MYO18A: variants seen among roughly 807,000 people sequenced by gnomAD.
MYO18A encodes the protein myosin XVIIIA.
MYO18A carries 78 observed loss-of-function variants against 235.8 expected under a neutral mutation model. The observed-to-expected ratio is 0.33, with a 90% CI of 0.28 to 0.40. The LOEUF is 0.40. MYO18A is among the 10% of genes least tolerant of loss of function. The pLI, the probability that MYO18A is intolerant of heterozygous loss-of-function variation, is 1.00. For missense variants in MYO18A, 2,215 were observed against 2,699.3 expected (o/e 0.82, Z 3.98); for synonymous variants, 977 against 1,077.8 (o/e 0.91, Z 1.83).
At chr17:29,123,680 C>T (rs926573178) in intron 2 of MYO18A, among the ~76,000 whole-genome samples, 8 of 152,208 alleles carry the variant, frequency 5.3e-5, no homozygotes, top group African/African-American at 9.6e-5. Flanking sequence ...AGGATCACCA[C>T]GTGGCTGGCC....
chr17:29,120,795 CA>C lies in MYO18A; in HGVS notation c.1586-38del. On this transcript the variant is annotated intron_variant, in intron 6 of 41. Coordinates refer to ENST00000527372, the MANE Select transcript of MYO18A (RefSeq NM_078471.4). The surrounding 1 kb of genome is among the most constrained non-coding windows in gnomAD (Gnocchi z 4.2). Reference sequence around the variant, plus strand: ...AGGCCCAAGGGGATATCAGGAAAGCCAGGGGCAGCTTATCCCCCAGCTAGGA... The same window carrying C: ...AGGCCCAAGGGGATATCAGGAAAGCCGGGGCAGCTTATCCCCCAGCTAGGA... 6.3e-7 allele frequency: 1 copy of C among 1,598,494 alleles called. No homozygotes were observed. The highest frequency in any genetic ancestry group is 2.2e-5 in the East Asian group (1 of 44,698).
Position 29,097,785 on chromosome 17 carries a change from C to T in MYO18A, c.4102+3G>A. On this transcript the variant is annotated splice_donor_region_variant and intron_variant, in intron 26 of 41. Transcript: ENST00000527372. The stretch of plus-strand genomic sequence containing the variant: ...TGCCGAGCTCCTTGGGCCTCAGGCC[C>T]ACCTGCATCATCATCATCCACTTCC... 6.2e-7 allele frequency: 1 copy of T among 1,609,778 alleles called. No homozygotes were observed. Among genetic ancestry groups the T allele is most frequent in the Non-Finnish European group, 8.5e-7 (1 of 1,177,786 alleles).
chr17:29,174,470 T>C (rs572764307), intron 1 of MYO18A, among the ~76,000 whole-genome samples: 2 of 151,966 alleles, frequency 1.3e-5, no homozygotes, highest in South Asian at 4.2e-4. Flanking sequence ...CGTGCTACTG[T>C]GCTCCAGCCT....
intron 2 of MYO18A, among the ~76,000 whole-genome samples, chr17:29,164,274 C>T (rs954466734): frequency 2.6e-5 from 4 of 152,222 alleles, no homozygotes; most frequent in African/African-American, 9.6e-5. Flanking sequence ...AACCTGGTGG[C>T]TAAAACATAG....
Position 29,124,635 on chromosome 17 carries a change from G to C in MYO18A, c.1000-2382C>G, listed in dbSNP as rs547470353. 79 of 1,278,364 alleles carry C rather than the reference G, an allele frequency of 6.2e-5. No individual in the cohort carries two copies. In the African/African-American group the frequency reaches 6.8e-4, roughly 11 times the overall value. 79.2% of individuals were successfully genotyped at this position (1,278,364 alleles called of 1,614,324 possible). The stretch of plus-strand genomic sequence containing the variant: ...TGGAGGGAGCGGAGGGCTCCTGAGT[G>C]GGGGGAGAGCACCCTACCTGGCTGT... On this transcript the variant is annotated intron_variant, in intron 2 of 41. Transcript: ENST00000527372.
At position 29,087,044 on chromosome 17, in the gene MYO18A, C is replaced by T. The variant is rs2066272289; in HGVS notation, c.5604G>A (p.Arg1868=). The T allele has an allele frequency of 6.2e-7, 1 of 1,614,038 alleles. No homozygotes were observed. Among genetic ancestry groups the T allele is most frequent in the Non-Finnish European group, 8.5e-7 (1 of 1,179,898 alleles). Residue 1868 remains arginine, a synonymous_variant, in exon 38 of 42, where the codon CGG becomes CGA. Coordinates refer to ENST00000527372, the MANE Select transcript of MYO18A (RefSeq NM_078471.4). The part of the protein sequence containing the change: ...ERDQRIAAEN[R]EKEQNKRLQR... ...GTAGCCGCTTGTTCTGTTCCTTCTC[C>T]CGGTTCTCGGCTGCAATGCGCTGAT...
chr17:29,169,243 G>C (rs2068347613), intron 1 of MYO18A, among the ~76,000 whole-genome samples: 1 of 152,056 alleles, frequency 6.6e-6, no homozygotes, highest in Non-Finnish European at 1.5e-5. Context: ...GTGGAGATGG[G>C]TTTTCACCGT....
chr17:29,095,477 A>C (rs1197700648), intron 28 of MYO18A, among the ~76,000 whole-genome samples: 1 of 152,250 alleles, frequency 6.6e-6, no homozygotes, highest in Non-Finnish European at 1.5e-5. Context: ...GACAACTGTA[A>C]GGGCAATAGC....
intron 36 of MYO18A, 54 bp downstream of exon 36, chr17:29,090,478 C>G (rs1353943548): frequency 6.7e-7 from 1 of 1,499,924 alleles, no homozygotes; most frequent in African/African-American, 1.4e-5. Flanking sequence ...GGGTTCCTCC[C>G]ACACCTAGTG....
At chr17:29,149,541 T>C (rs534018660) in intron 2 of MYO18A, among the ~76,000 whole-genome samples, 1 of 152,338 alleles carries the variant, frequency 6.6e-6, no homozygotes, top group East Asian at 1.9e-4. Flanking sequence ...CTCAGAGCCA[T>C]GTGCCACCAC....
At chr17:29,110,737 G>C (rs1168917895) in intron 17 of MYO18A, 115 bp from the exon 18 acceptor site, 2 of 1,079,062 alleles carry the variant, frequency 1.9e-6, no homozygotes, top group Non-Finnish European at 2.6e-6. Context: ...CACGTCCAGG[G>C]GCCTGGCTAC....
At chr17:29,101,373 T>G (rs753406015) in intron 21 of MYO18A, among the ~76,000 whole-genome samples, 2 of 151,650 alleles carry the variant, frequency 1.3e-5, no homozygotes, top group Non-Finnish European at 2.9e-5. Flanking sequence ...TGGTGCAATC[T>G]CTGCTTACTG....
chr17:29,103,562 G>A (rs1173054470), intron 21 of MYO18A, 37 bp downstream of exon 21: 1 of 1,605,208 alleles, frequency 6.2e-7, no homozygotes, highest in East Asian at 2.2e-5. Context: ...GGGGCCCCTG[G>A]AGTGAGGCCC....
intron 1 of MYO18A, chr17:29,176,868 C>G (rs1349883040): frequency 6.6e-6 from 1 of 152,140 alleles, no homozygotes; most frequent in Admixed American, 6.5e-5. Context: ...CGGCCCTTGG[C>G]GTTTCCCCGC....
In MYO18A at chr17:29,099,782, G is replaced by A. The variant is rs1426787029; in HGVS notation, c.3508-20C>T. On this transcript the variant is annotated intron_variant, in intron 21 of 41. Transcript: ENST00000527372. Reference sequence around the variant, plus strand: ...GAACACCTGTGAAAAAGCAGGCCAGGTGAAGGCAGGATACTGGGCCAGCCC... The same window carrying A: ...GAACACCTGTGAAAAAGCAGGCCAGATGAAGGCAGGATACTGGGCCAGCCC... The A allele has an allele frequency of 3.1e-6, 5 of 1,608,898 alleles. No homozygotes were observed. The African/African-American group carries it at 4.0e-5, about 13-fold the overall frequency.
At chr17:29,134,702 T>C (rs1350971134) in intron 2 of MYO18A, among the ~76,000 whole-genome samples, 2 of 151,984 alleles carry the variant, frequency 1.3e-5, no homozygotes, top group African/African-American at 4.8e-5. Context: ...TCTGTATTTT[T>C]AGTAGAGACG....
In MYO18A at chr17:29,073,772, G is replaced by T. The variant is rs2065915252; in HGVS notation, c.*998C>A. 1 of 1,392,002 alleles carries T rather than the reference G, an allele frequency of 7.2e-7. No individual in the cohort carries two copies. The highest frequency in any genetic ancestry group is 9.9e-7 in the Non-Finnish European group (1 of 1,011,576). The allele number at this position is 1,392,002 out of a possible 1,614,324, so 86.2% of individuals were successfully genotyped here. A position where few individuals can be genotyped will look rare whatever the true frequency, so the allele number is the denominator to read the frequency against. ...CAGGGAGGTTGGAAGAATGACACGG[G>T]CTCAGGACACAGAGTGAGGACTCAT... On this transcript the variant is annotated 3_prime_UTR_variant, in exon 42 of 42. Transcript: ENST00000527372.
chr17:29,092,471 C>T lies in MYO18A; in HGVS notation c.5074-15G>A. 6.3e-7 allele frequency: 1 copy of T among 1,598,850 alleles called. No individual in the cohort carries two copies. ...GACTCCTCCAGCTGGACACAGACCA[C>T]CCCCGCCCCAGGGAGAGATGTCAGC... On this transcript the variant is annotated splice_polypyrimidine_tract_variant and intron_variant, in intron 33 of 41. Coordinates refer to ENST00000527372, the MANE Select transcript of MYO18A (RefSeq NM_078471.4).
At chr17:29,169,856 C>T (rs1036875674) in intron 1 of MYO18A, among the ~76,000 whole-genome samples, 2 of 151,952 alleles carry the variant, frequency 1.3e-5, no homozygotes, top group Non-Finnish European at 2.9e-5. Flanking sequence ...GGGGCTAGAT[C>T]GCTGAGTAAT....
Sources: gnomAD v4.1 joint callset for allele counts (sites outside exome capture counted in the v4.1 genomes callset) on GRCh38, gnomAD v4.1.1 for gene constraint, Gnocchi (gnomAD v3.1) non-coding constraint, MANE v1.5 for transcripts, NCBI Gene and HGNC (gene_info 2026-07-23, HGNC 2026-07-21) for gene names.